SDK1: variants seen among roughly 807,000 people sequenced by gnomAD.
SDK1 encodes the protein protein sidekick-1.
In SDK1, 157 loss-of-function variants were observed where a neutral mutation model predicts 245.5. That is an observed-to-expected ratio of 0.64 (90% CI 0.56 to 0.73). The LOEUF (loss-of-function observed/expected upper bound fraction) is 0.73, where lower values mean the gene tolerates loss of function less well. Among genes scored for constraint, SDK1 ranks in the 30% least tolerant of loss-of-function variants. The pLI is 0.00. For missense variants in SDK1, 3,583 were observed against 3,002.3 expected (o/e 1.19, Z -4.52); for synonymous variants, 1,647 against 1,278.5 (o/e 1.29, Z -6.15).
chr7:4,135,724 G>C (rs1562864701), intron 28 of SDK1, among the ~76,000 whole-genome samples: 1 of 152,246 alleles, frequency 6.6e-6, no homozygotes, highest in Non-Finnish European at 1.5e-5. Flanking sequence ...TCACTGGTTA[G>C]AGTTGCACTT....
chr7:3,906,742 C>G (rs953003777), intron 5 of SDK1, among the ~76,000 whole-genome samples: 32 of 149,462 alleles, frequency 2.1e-4, no homozygotes, highest in African/African-American at 6.4e-4. Context: ...ATTATCCTGC[C>G]TCAGCCTCCT....
chr7:3,906,098 C>G (rs1175219747), intron 5 of SDK1, among the ~76,000 whole-genome samples: 1 of 152,126 alleles, frequency 6.6e-6, no homozygotes, highest in African/African-American at 2.4e-5. Flanking sequence ...TTTCCTCAAT[C>G]TCTTTTTCAT....
At chr7:4,103,956 A>G (rs533563885) in intron 22 of SDK1, among the ~76,000 whole-genome samples, 2 of 152,402 alleles carry the variant, frequency 1.3e-5, no homozygotes, top group South Asian at 4.1e-4. Flanking sequence ...GCAGCCGCAC[A>G]AACCAGTGAC....
intron 1 of SDK1, among the ~76,000 whole-genome samples, chr7:3,579,251 C>A (rs1277659087): frequency 6.7e-6 from 1 of 149,722 alleles, no homozygotes; most frequent in African/African-American, 2.4e-5. Flanking sequence ...TAGCCAATAT[C>A]CTTGATGAAC....
At chr7:4,248,590 A>G (rs1787069653) in intron 44 of SDK1, among the ~76,000 whole-genome samples, 2 of 152,078 alleles carry the variant, frequency 1.3e-5, no homozygotes, top group South Asian at 2.1e-4. Flanking sequence ...ACACACATGC[A>G]TACTTAAATA....
At chr7:3,726,885 T>G (rs1433206478) in intron 4 of SDK1, among the ~76,000 whole-genome samples, 2 of 152,232 alleles carry the variant, frequency 1.3e-5, no homozygotes, top group Non-Finnish European at 2.9e-5. Flanking sequence ...GTGTAGTCCA[T>G]TAGGGTGTAA....
At chr7:4,147,651 G>A (rs1357366248) in intron 29 of SDK1, among the ~76,000 whole-genome samples, 1 of 152,086 alleles carries the variant, frequency 6.6e-6, no homozygotes, top group Non-Finnish European at 1.5e-5. Flanking sequence ...AGGGACGGAA[G>A]CCCTCAGTCG....
At chr7:4,115,291 A>G (rs1003572776) in intron 25 of SDK1, among the ~76,000 whole-genome samples, 1 of 152,182 alleles carries the variant, frequency 6.6e-6, no homozygotes, top group African/African-American at 2.4e-5. Flanking sequence ...GGGGCTGTTC[A>G]TTCTGGACTA....
intron 1 of SDK1, among the ~76,000 whole-genome samples, chr7:3,460,543 T>G (rs1030431976): frequency 1.3e-5 from 2 of 152,226 alleles, no homozygotes; most frequent in African/African-American, 4.8e-5. Context: ...TATGTCAGTG[T>G]GTCATAATAA....
intron 1 of SDK1, among the ~76,000 whole-genome samples, chr7:3,525,619 C>G (rs1321910271): frequency 1.3e-5 from 2 of 151,992 alleles, no homozygotes; most frequent in African/African-American, 4.8e-5. Context: ...TAATTCCTGT[C>G]AGGTCTTTTT....
chr7:3,571,057 C>A (rs6969082), intron 1 of SDK1, among the ~76,000 whole-genome samples: 97,866 of 151,796 alleles, frequency 0.64, 32,617 homozygotes, highest in African/African-American at 0.79. Context: ...TAATGAAATT[C>A]GGATCTTCAT....
intron 1 of SDK1, among the ~76,000 whole-genome samples, chr7:3,581,382 C>G (rs549140394): frequency 5.3e-5 from 8 of 152,286 alleles, no homozygotes; most frequent in African/African-American, 1.9e-4. Context: ...ATGCAGCCAA[C>G]AAGCATATGA....
rs552979858 is a variant in SDK1 at position 3,755,199 on chromosome 7, C to T, written c.714-66251C>T. 1.4e-4 allele frequency among the ~76,000 whole-genome samples: 22 copies of T among 152,166 alleles called. 1 individual carries two copies. Among genetic ancestry groups the T allele is most frequent in the South Asian group, 6.2e-4 (3 of 4,818 alleles). On this transcript the variant is annotated intron_variant, in intron 4 of 44. Coordinates refer to ENST00000404826, the MANE Select transcript of SDK1 (RefSeq NM_152744.4). Reference sequence around the variant, plus strand: ...TTGGAGGCTGTTGGCCTGGGGAAGCCGGAAGTGGGCTTACTAGAAAGGGGG... The same window carrying T: ...TTGGAGGCTGTTGGCCTGGGGAAGCTGGAAGTGGGCTTACTAGAAAGGGGG...
At chr7:4,242,142 A>G (rs1424924686) in intron 43 of SDK1, among the ~76,000 whole-genome samples, 4 of 152,104 alleles carry the variant, frequency 2.6e-5, no homozygotes, top group Non-Finnish European at 5.9e-5. Context: ...GGAGATTTAG[A>G]AAGAGGGTCT....
intron 1 of SDK1, among the ~76,000 whole-genome samples, chr7:3,510,639 G>C (rs888080588): frequency 1.3e-5 from 2 of 152,144 alleles, no homozygotes; most frequent in Admixed American, 1.3e-4. Flanking sequence ...ACAAGTAATG[G>C]GAGGGAAGAA....
At chr7:4,261,623 A>G (rs910584571) in intron 44 of SDK1, among the ~76,000 whole-genome samples, 1 of 152,166 alleles carries the variant, frequency 6.6e-6, no homozygotes, top group African/African-American at 2.4e-5. Flanking sequence ...CCGGCCTCCG[A>G]CAGACCCACA....
intron 1 of SDK1, among the ~76,000 whole-genome samples, chr7:3,357,635 G>T (rs1320467676): frequency 6.6e-6 from 1 of 151,440 alleles, no homozygotes; most frequent in Admixed American, 6.6e-5. Context: ...GGCATGAGCC[G>T]CACGCCCAGC....
Position 3,404,101 on chromosome 7 carries a change from G to A in SDK1, c.298+102217G>A, listed in dbSNP as rs116527666. On this transcript the variant is annotated intron_variant, in intron 1 of 44. Coordinates refer to ENST00000404826, the MANE Select transcript of SDK1 (RefSeq NM_152744.4). Reference sequence around the variant, plus strand: ...CTTAATTAAACATTTTCTAAAAAATGCCTGCACAGAGACGTGAAGTGAGCT... The same window carrying A: ...CTTAATTAAACATTTTCTAAAAAATACCTGCACAGAGACGTGAAGTGAGCT... Among the ~76,000 whole-genome samples, 1,322 of 151,522 alleles carry A rather than the reference G, an allele frequency of 8.7e-3. 22 individuals are homozygous for A. The highest frequency in any genetic ancestry group is 0.03 in the African/African-American group (1,224 of 41,290).
chr7:4,191,164 G>C lies in SDK1; in HGVS notation c.5098+12578G>C, dbSNP rs143217807. On this transcript the variant is annotated intron_variant, in intron 35 of 44. Coordinates refer to ENST00000404826, the MANE Select transcript of SDK1 (RefSeq NM_152744.4). ...GAGGTCCTGCCAGGCCAACCCCGCGGCGGTCACAGTGGGTGTCCTCATGGC... is the reference window on the plus strand; with the variant it reads ...GAGGTCCTGCCAGGCCAACCCCGCGCCGGTCACAGTGGGTGTCCTCATGGC... Among the ~76,000 whole-genome samples, 427 of 152,244 alleles carry C rather than the reference G, an allele frequency of 2.8e-3. 5 individuals carry two copies. The highest frequency in any genetic ancestry group is 9.9e-3 in the African/African-American group (411 of 41,534).
Sources: allele counts gnomAD v4.1 joint callset (sites outside exome capture counted in the v4.1 genomes callset), GRCh38; gene constraint gnomAD v4.1.1; transcripts MANE v1.5; gene names NCBI Gene and HGNC (gene_info 2026-07-23, HGNC 2026-07-21).